Variants in CYP2B6 observed in about 807,000 individuals in gnomAD.
The protein encoded by CYP2B6 is cytochrome P450 family 2 subfamily B member 6.
A neutral mutation model predicts 43.4 loss-of-function variants in CYP2B6; 35 were observed. The ratio of observed to expected loss-of-function variants is 0.81; its 90% CI spans 0.62 to 1.07. CYP2B6 has a LOEUF of 1.07. CYP2B6 is among the 50% of genes least tolerant of loss of function. The pLI, the probability that CYP2B6 is intolerant of heterozygous loss-of-function variation, is 0.00. For synonymous variants in CYP2B6, 239 were observed against 239.2 expected (o/e 1.00, Z 0.01); for missense variants, 624 against 632.8 (o/e 0.99, Z 0.15).
rs148605404 is a variant in CYP2B6 at position 41,012,493 on chromosome 19, C to T, written c.1152+8C>T. 1.8e-4 allele frequency: 283 copies of T among 1,613,984 alleles called. No homozygotes were observed. In the African/African-American group the frequency reaches 2.5e-3, roughly 14 times the overall value. ...GGGTACATCATCCCCAAGGTAAGAC[C>T]GGCTGGAACCCCATAGCCCTCCTGT... On this transcript the variant is annotated splice_region_variant and intron_variant, in intron 7 of 8. Transcript: ENST00000324071.
At chr19:40,991,863 G>T (rs1195249595) in intron 1 of CYP2B6, among the ~76,000 whole-genome samples, 1 of 152,036 alleles carries the variant, frequency 6.6e-6, no homozygotes, top group African/African-American at 2.4e-5. Flanking sequence ...TGGACTGAAA[G>T]CCCAGCTGCT....
At chr19:40,992,045 T>C (rs1276458200) in intron 1 of CYP2B6, among the ~76,000 whole-genome samples, 3 of 151,750 alleles carry the variant, frequency 2.0e-5, no homozygotes. Context: ...CTACTAAAAA[T>C]ACAAATATTA....
intron 1 of CYP2B6, among the ~76,000 whole-genome samples, chr19:40,992,992 TTTAAC>T (rs1236871262): frequency 6.6e-6 from 1 of 152,138 alleles, no homozygotes; most frequent in Non-Finnish European, 1.5e-5. Context: ...AATAGTCTCT[TTTAAC>T]TTGAGTGTGT....
chr19:40,996,333 A>G (rs1968998920), intron 1 of CYP2B6, among the ~76,000 whole-genome samples: 1 of 152,182 alleles, frequency 6.6e-6, no homozygotes, highest in Non-Finnish European at 1.5e-5. Flanking sequence ...CCACTTGTCT[A>G]GTGAAACAAG....
chr19:40,994,970 G>A (rs923685240), intron 1 of CYP2B6, among the ~76,000 whole-genome samples: 2 of 152,098 alleles, frequency 1.3e-5, no homozygotes, highest in Non-Finnish European at 2.9e-5. Context: ...AGAGGCATTG[G>A]CACCAGTGAA....
intron 1 of CYP2B6, among the ~76,000 whole-genome samples, chr19:40,992,869 T>C (rs1338301159): frequency 6.6e-6 from 1 of 152,010 alleles, no homozygotes; most frequent in Non-Finnish European, 1.5e-5. Flanking sequence ...ATGATGGCTC[T>C]CAGGAGGGTA....
intron 1 of CYP2B6, among the ~76,000 whole-genome samples, chr19:40,998,923 C>G (rs1969038792): frequency 8.0e-6 from 1 of 124,362 alleles, no homozygotes; most frequent in Non-Finnish European, 1.7e-5. Context: ...GATTTATAGT[C>G]CTTTGGGTAT....
chr19:41,009,373 C>G lies in CYP2B6; in HGVS notation c.800C>G (p.Thr267Ser). 12 of 1,582,354 alleles carry G rather than the reference C, an allele frequency of 7.6e-6. No homozygotes were observed. The highest frequency in any genetic ancestry group is 2.3e-5 in the South Asian group (2 of 88,800). Residue 267 changes from threonine to serine, a missense_variant, in exon 5 of 9, where the codon ACC (threonine) becomes AGC (serine). Thr to Ser is a moderately conservative substitution (Grantham distance 58). Transcript: ENST00000324071. The stretch of plus-strand genomic sequence containing the variant: ...AGCGCCCCCAAGGACCTCATCGACA[C>G]CTACCTGCTCCACATGGAAAAAGTG... Reference protein sequence around the residue: ...DPSAPKDLIDTYLLHMEKEKS... With the variant: ...DPSAPKDLIDSYLLHMEKEKS...
At chr19:40,999,459 C>A (rs932471036) in intron 1 of CYP2B6, among the ~76,000 whole-genome samples, 1 of 151,994 alleles carries the variant, frequency 6.6e-6, no homozygotes, top group African/African-American at 2.4e-5. Flanking sequence ...TCTTTTGTTG[C>A]CATTGGTTTT....
intron 4 of CYP2B6, among the ~76,000 whole-genome samples, chr19:41,008,806 G>T (rs1969233793): frequency 6.6e-6 from 1 of 152,144 alleles, no homozygotes; most frequent in Non-Finnish European, 1.5e-5. Flanking sequence ...TAACATGTCA[G>T]CAGGCTTATC....
chr19:41,003,102 G>T (rs546722370), intron 1 of CYP2B6, among the ~76,000 whole-genome samples: 110 of 152,036 alleles, frequency 7.2e-4, no homozygotes, highest in African/African-American at 2.5e-3. Context: ...ACACATTTTT[G>T]CTGGGCATGT....
intron 4 of CYP2B6, among the ~76,000 whole-genome samples, chr19:41,008,355 G>A (rs1214843906): frequency 6.9e-6 from 1 of 144,502 alleles, no homozygotes; most frequent in Non-Finnish European, 1.5e-5. Context: ...GGGACTATAG[G>A]CGAGCGCCAC....
In CYP2B6 at chr19:41,016,938, A is replaced by C. The variant is rs1969380085; in HGVS notation, c.*111A>C. 8.5e-7 allele frequency: 1 copy of C among 1,180,996 alleles called. No individual in the cohort carries two copies. The highest frequency in any genetic ancestry group is 2.6e-5 in the East Asian group (1 of 38,892). The allele number at this position is 1,180,996 out of a possible 1,614,324, so 73.2% of individuals were successfully genotyped here. On this transcript the variant is annotated 3_prime_UTR_variant, in exon 9 of 9. Coordinates refer to ENST00000324071, the MANE Select transcript of CYP2B6 (RefSeq NM_000767.5). ...TCCTGCCTCTGAGAGACCTGCTACA[A>C]GCCAGCTTCCTTCCCCTCCATGGCA...
Position 41,016,785 on chromosome 19 carries a change from C to A in CYP2B6, c.1434C>A (p.Gly478=). The A allele has an allele frequency of 3.1e-6, 5 of 1,614,118 alleles. No homozygotes were observed. Among genetic ancestry groups the A allele is most frequent in the Non-Finnish European group, 4.2e-6 (5 of 1,179,994 alleles). Reference sequence around the variant, plus strand: ...TGACACCCCAGGAGTGTGGTGTGGGCAAAATACCCCCAACATACCAGATCC... The same window carrying A: ...TGACACCCCAGGAGTGTGGTGTGGGAAAAATACCCCCAACATACCAGATCC... ...IDLTPQECGV[G]KIPPTYQIRF... The change falls in exon 9 of 9, where the codon GGC becomes GGA. Residue 478 remains glycine (G), a synonymous_variant. Coordinates refer to ENST00000324071, the MANE Select transcript of CYP2B6 (RefSeq NM_000767.5).
intron 1 of CYP2B6, among the ~76,000 whole-genome samples, chr19:41,002,693 T>C (rs930795535): frequency 1.3e-3 from 201 of 152,116 alleles, no homozygotes; most frequent in African/African-American, 4.7e-3. Flanking sequence ...GGACTACAGG[T>C]GAGAGCCACC....
intron 3 of CYP2B6, among the ~76,000 whole-genome samples, chr19:41,006,414 GA>G (rs1969187719): frequency 7.0e-6 from 1 of 142,148 alleles, no homozygotes; most frequent in Non-Finnish European, 1.5e-5. Context: ...TCAGGCTCCC[GA>G]AGTGCTGGGT....
In CYP2B6 at chr19:41,018,136, C is replaced by A. The variant is rs1383349715; in HGVS notation, c.*1309C>A. On this transcript the variant is annotated 3_prime_UTR_variant, in exon 9 of 9. Transcript: ENST00000324071. ...TGATATTACAGGCATAATATGTGATCTTTTGTGTCTGGTTGCTTTCATGTT... is the reference window on the plus strand; with the variant it reads ...TGATATTACAGGCATAATATGTGATATTTTGTGTCTGGTTGCTTTCATGTT... The A allele has an allele frequency of 6.6e-6, 1 of 152,228 alleles. No homozygotes were observed. The highest frequency in any genetic ancestry group is 1.5e-5 in the Non-Finnish European group (1 of 68,076). The allele number at this position is 152,228 out of a possible 1,614,324, so 9.4% of individuals were successfully genotyped here.
rs1969304492 is a variant in CYP2B6 at position 41,012,699 on chromosome 19, G to C, written c.1178G>C (p.Ser393Thr). ...PKDTEVFLIL[S>T]TALHDPHYFE... ...GACACAGAAGTATTTCTCATCCTGA[G>C]CACTGCTCTCCATGACCCACACTAC... The change falls in exon 8 of 9, where the codon AGC (serine) becomes ACC (threonine). Residue 393 changes from serine (S) to threonine (T), a missense_variant. Coordinates refer to ENST00000324071, the MANE Select transcript of CYP2B6 (RefSeq NM_000767.5). 5.0e-6 allele frequency: 8 copies of C among 1,614,036 alleles called. No homozygotes were observed. Among genetic ancestry groups the C allele is most frequent in the Admixed American group, 1.7e-5 (1 of 60,016 alleles).
rs200993638 is a variant in CYP2B6, at chr19:41,016,743, C to T, written c.1392C>T (p.Ala464=). 178 of 1,614,180 alleles carry T rather than the reference C, an allele frequency of 1.1e-4. No individual in the cohort carries two copies. In the Admixed American group the frequency reaches 1.7e-3, roughly 15 times the overall value. ...ACTTCTCCATGGCCAGCCCCGTGGCCCCAGAAGACATCGATCTGACACCCC... is the reference window on the plus strand; with the variant it reads ...ACTTCTCCATGGCCAGCCCCGTGGCTCCAGAAGACATCGATCTGACACCCC... ...LQNFSMASPV[A]PEDIDLTPQE... is the part of the protein sequence containing the mutation. The change falls in exon 9 of 9, where the codon GCC becomes GCT. Residue 464 remains alanine, a synonymous_variant. Transcript: ENST00000324071.
Sources: allele counts gnomAD v4.1 joint callset (sites outside exome capture counted in the v4.1 genomes callset), GRCh38; gene constraint gnomAD v4.1.1; transcripts MANE v1.5; gene names NCBI Gene and HGNC (gene_info 2026-07-23, HGNC 2026-07-21).